The following FRMPD3 variants were observed in gnomAD, a reference collection of about 807,000 sequenced individuals.
FRMPD3 encodes the protein FERM and PDZ domain containing 3, also known as FERM and PDZ domain-containing protein 3.
Under a neutral mutation model 97.9 loss-of-function variants are expected in FRMPD3, and 42 were observed. The ratio of observed to expected loss-of-function variants is 0.43; its 90% CI spans 0.34 to 0.55. The LOEUF (loss-of-function observed/expected upper bound fraction) is 0.55, where lower values mean the gene tolerates loss of function less well. Among genes scored for constraint, FRMPD3 ranks in the 20% least tolerant of loss-of-function variants. The pLI, the probability that FRMPD3 is intolerant of heterozygous loss-of-function variation, is 0.03. For synonymous variants in FRMPD3, 577 were observed against 581.1 expected, an observed-to-expected ratio of 0.99 and a Z score of 0.10; for missense variants, 1,303 against 1,457.7, an observed-to-expected ratio of 0.89 and a Z score of 1.73.
chrX:107,589,353 G>A (rs956043352), intron 13 of FRMPD3, among the ~76,000 whole-genome samples: 2 of 110,819 alleles, frequency 1.8e-5, no homozygotes, highest in Non-Finnish European at 3.8e-5. Context: ...TCCCTCTTCC[G>A]TACGGCTGCT....
chrX:107,547,181 C>T (rs1002839928), intron 5 of FRMPD3, among the ~76,000 whole-genome samples: 2 of 111,852 alleles, frequency 1.8e-5, no homozygotes, highest in Non-Finnish European at 3.8e-5. Context: ...AGGTCCAAGT[C>T]ACCAGGAGGA....
intron 1 of FRMPD3, among the ~76,000 whole-genome samples, chrX:107,476,033 G>A (rs753197119): frequency 7.2e-5 from 8 of 111,724 alleles, no homozygotes; most frequent in Non-Finnish European, 1.3e-4. Flanking sequence ...ACAGGTGCCT[G>A]CCACCAGGCC....
chrX:107,543,459 C>T (rs1399540228), intron 4 of FRMPD3, among the ~76,000 whole-genome samples: 1 of 111,222 alleles, frequency 9.0e-6, no homozygotes, highest in African/African-American at 3.3e-5. Context: ...TCCCTCACTT[C>T]CTTAAGTTTC....
In FRMPD3 at chrX:107,597,949, C is replaced by T; in HGVS notation, c.2070C>T (p.Ser690=). The change falls in exon 14 of 15, where the codon AGC becomes AGT. Residue 690 remains serine, a synonymous_variant. Transcript: ENST00000683843. ...EDDPKRRAVQ[S]QEQGRHLRGL... The stretch of plus-strand genomic sequence containing the variant: ...ACCCCAAGCGCCGGGCTGTCCAGAG[C>T]CAGGAACAAGGACGCCACCTGCGTG... 6 of 1,210,709 alleles carry T rather than the reference C, an allele frequency of 5.0e-6. No homozygotes were observed. The highest frequency in any genetic ancestry group is 6.7e-6 in the Non-Finnish European group (6 of 895,405).
Position 107,601,930 on chromosome X carries a change from C to T in FRMPD3, c.3891C>T (p.Arg1297=). Residue 1297 remains arginine, a synonymous_variant, in exon 15 of 15, where the codon CGC becomes CGT. Transcript: ENST00000683843. ...QGPGMSREQR[R]SCDCKRICRG... ...CTGGCATGTCCCGTGAGCAGAGGCG[C>T]AGCTGTGACTGCAAGCGCATCTGCC... 8.4e-7 allele frequency: 1 copy of T among 1,183,641 alleles called. No homozygotes were observed. The highest frequency in any genetic ancestry group is 2.4e-4 in the Middle Eastern group (1 of 4,204).
chrX:107,460,794 C>G (rs1255823671), intron 1 of FRMPD3, among the ~76,000 whole-genome samples: 1 of 111,440 alleles, frequency 9.0e-6, no homozygotes, highest in African/African-American at 3.3e-5. Context: ...CCAGCCCACT[C>G]ACAGGGCTGA....
chrX:107,556,249 A>G (rs922091007), intron 8 of FRMPD3, among the ~76,000 whole-genome samples: 1 of 110,851 alleles, frequency 9.0e-6, no homozygotes, highest in Non-Finnish European at 1.9e-5. Flanking sequence ...TCATTTACCA[A>G]CCTTCTAGGA....
At chrX:107,518,870 A>G (rs770715012) in intron 1 of FRMPD3, among the ~76,000 whole-genome samples, 3 of 112,680 alleles carry the variant, frequency 2.7e-5, no homozygotes, top group Non-Finnish European at 5.6e-5. Context: ...TGATACATAC[A>G]TACAATGGAC....
chrX:107,456,524 G>A (rs868559780), intron 1 of FRMPD3, among the ~76,000 whole-genome samples: 30 of 111,742 alleles, frequency 2.7e-4, no homozygotes, highest in African/African-American at 9.4e-4. Flanking sequence ...CTTAAAAACT[G>A]GACATTTTCT....
chrX:107,494,561 G>A (rs1435593797), intron 1 of FRMPD3, among the ~76,000 whole-genome samples: 2 of 112,077 alleles, frequency 1.8e-5, no homozygotes, highest in South Asian at 7.5e-4. Flanking sequence ...GGGACTGAAG[G>A]TGCACAGATT....
intron 1 of FRMPD3, among the ~76,000 whole-genome samples, chrX:107,460,362 A>G (rs1404783746): frequency 9.1e-6 from 1 of 110,125 alleles, no homozygotes; most frequent in Non-Finnish European, 1.9e-5. Context: ...CCTAGACCCA[A>G]GCAAGTTGGT....
rs1334239871 is a variant in FRMPD3 at position 107,449,818 on chromosome X, AC to A, written c.-193del. ...CGGGCCAGCTGCTGCCGCCCTGCCA[AC>A]CTCTGCCCGCCCCGCCGCCCGGCGC... On this transcript the variant is annotated 5_prime_UTR_variant, in exon 1 of 15. The change creates a premature stop within an existing upstream ORF in the 5' untranslated region. Transcript: ENST00000683843. 9.6e-6 allele frequency among the ~76,000 whole-genome samples: 1 copy of A among 104,640 alleles called. No homozygotes were observed. The highest frequency in any genetic ancestry group is 3.5e-5 in the African/African-American group (1 of 28,969). The allele number at this position is 104,640 out of a possible 115,157, so 90.9% of individuals were successfully genotyped here.
chrX:107,479,029 A>T lies in FRMPD3; in HGVS notation c.-8+29024A>T, dbSNP rs1030383151. Among the ~76,000 whole-genome samples the T allele has an allele frequency of 4.4e-5, 5 of 112,508 alleles. No individual in the cohort carries two copies. In the Admixed American group the frequency reaches 4.7e-4, roughly 11 times the overall value. On this transcript the variant is annotated intron_variant, in intron 1 of 14. Coordinates refer to ENST00000683843, the MANE Select transcript of FRMPD3 (RefSeq NM_001388459.1). ...TGCTGCAGTCCTCCCTGTGCTGCTG[A>T]AGCCCCCCACTTGGCTGTGGCCAAG...
chrX:107,490,720 T>C (rs1327440833), intron 1 of FRMPD3, among the ~76,000 whole-genome samples: 1 of 111,918 alleles, frequency 8.9e-6, no homozygotes, highest in Non-Finnish European at 1.9e-5. Flanking sequence ...AACAGGTGGG[T>C]TTCTTTTTGT....
intron 14 of FRMPD3, among the ~76,000 whole-genome samples, chrX:107,600,003 T>G (rs1924415946): frequency 8.9e-6 from 1 of 112,112 alleles, no homozygotes; most frequent in African/African-American, 3.2e-5. Flanking sequence ...ATACTGAACA[T>G]GTACAGATTT....
chrX:107,541,731 G>A (rs889662367), intron 4 of FRMPD3, among the ~76,000 whole-genome samples: 9 of 111,697 alleles, frequency 8.1e-5, no homozygotes, highest in Non-Finnish European at 1.5e-4. Flanking sequence ...ATTTGTTTGA[G>A]TCCATTACAT....
chrX:107,525,053 C>T (rs886818160), intron 1 of FRMPD3, among the ~76,000 whole-genome samples: 19 of 110,208 alleles, frequency 1.7e-4, no homozygotes, highest in African/African-American at 6.0e-4. Context: ...GTCAAAACCT[C>T]CTACTTCTTT....
intron 13 of FRMPD3, among the ~76,000 whole-genome samples, chrX:107,595,766 G>C (rs1369812721): frequency 2.7e-5 from 3 of 109,290 alleles, no homozygotes; most frequent in African/African-American, 6.7e-5. Context: ...GTGAAACCCC[G>C]CCTCTACCAA....
intron 1 of FRMPD3, among the ~76,000 whole-genome samples, chrX:107,517,179 G>T (rs112015121): frequency 9.0e-6 from 1 of 111,654 alleles, no homozygotes; most frequent in South Asian, 3.8e-4. Context: ...GTAGATATGC[G>T]GCATTATTTC....
Sources: allele counts gnomAD v4.1 joint callset (sites outside exome capture counted in the v4.1 genomes callset), GRCh38; gene constraint gnomAD v4.1.1; transcripts MANE v1.5; gene names NCBI Gene and HGNC (gene_info 2026-07-23, HGNC 2026-07-21).